The following FREM2 variants were observed in gnomAD, a reference collection of about 807,000 sequenced individuals.
The protein encoded by FREM2 is FRAS1-related extracellular matrix protein 2.
A neutral mutation model predicts 219.9 loss-of-function variants in FREM2; 119 were observed. The observed-to-expected ratio is 0.54, with a 90% CI of 0.47 to 0.63. FREM2 has a LOEUF of 0.63. FREM2 is among the 30% of genes least tolerant of loss of function. FREM2 has a pLI of 0.00. For missense variants in FREM2, 4,030 were observed against 3,993.6 expected, an observed-to-expected ratio of 1.01 and a Z score of -0.25; for synonymous variants, 1,562 against 1,522.8, an observed-to-expected ratio of 1.03 and a Z score of -0.60.
In FREM2 at chr13:38,734,810, G is replaced by A. The variant is rs182511710; in HGVS notation, c.5264-29494G>A. 4.6e-3 allele frequency among the ~76,000 whole-genome samples: 587 copies of A among 129,006 alleles called. 4 individuals are homozygous for A. The highest frequency in any genetic ancestry group is 0.016 in the African/African-American group (562 of 34,744). 84.6% of individuals were successfully genotyped at this position (129,006 alleles called of 152,430 possible). ...TGCACAGGCTGGAGTGCAGTGGCAC[G>A]ATCTCAGCTCACTGCAACCTCTACC... On this transcript the variant is annotated intron_variant, in intron 2 of 23. Coordinates refer to ENST00000280481, the MANE Select transcript of FREM2 (RefSeq NM_207361.6).
At chr13:38,850,608 G>A (rs1159482875) in intron 9 of FREM2, among the ~76,000 whole-genome samples, 3 of 152,154 alleles carry the variant, frequency 2.0e-5, no homozygotes, top group Non-Finnish European at 4.4e-5. Context: ...ATCAACCAGG[G>A]CAAGGCTGCT....
At chr13:38,764,499 A>C (rs759512105) in intron 3 of FREM2, 49 bp downstream of exon 3, 3 of 1,150,620 alleles carry the variant, frequency 2.6e-6, no homozygotes, top group African/African-American at 3.1e-5. Context: ...TTTCTAGCAA[A>C]GGTTTATAAT....
At chr13:38,753,115 T>C (rs1043824541) in intron 2 of FREM2, among the ~76,000 whole-genome samples, 1 of 152,054 alleles carries the variant, frequency 6.6e-6, no homozygotes, top group African/African-American at 2.4e-5. Context: ...GTGGATCTTC[T>C]TGACAAACTT....
intron 2 of FREM2, among the ~76,000 whole-genome samples, chr13:38,763,948 G>A (rs1161935619): frequency 6.6e-5 from 10 of 152,212 alleles, no homozygotes; most frequent in Admixed American, 6.5e-4. Flanking sequence ...GCAGCCCTCT[G>A]ATTAGAAAAC....
intron 6 of FREM2, among the ~76,000 whole-genome samples, chr13:38,804,363 G>A (rs914707226): frequency 1.3e-5 from 2 of 150,784 alleles, no homozygotes; most frequent in Non-Finnish European, 3.0e-5. Context: ...AGATATTATA[G>A]TCTGAAAACA....
At chr13:38,761,384 G>T (rs1452052632) in intron 2 of FREM2, among the ~76,000 whole-genome samples, 2 of 152,082 alleles carry the variant, frequency 1.3e-5, no homozygotes, top group Non-Finnish European at 2.9e-5. Context: ...AATTTGTTTT[G>T]AAATCAGAGC....
chr13:38,692,229 T>C lies in FREM2; in HGVS notation c.4885T>C (p.Tyr1629His), dbSNP rs1869913627. 1.9e-6 allele frequency: 3 copies of C among 1,614,216 alleles called. No homozygotes were observed. Among genetic ancestry groups the C allele is most frequent in the Non-Finnish European group, 8.5e-7 (1 of 1,180,038 alleles). Residue 1629 changes from tyrosine to histidine, a missense_variant, in exon 1 of 24, where the codon TAT (tyrosine) becomes CAT (histidine). By Grantham distance (83) the Tyr-to-His change is moderately conservative. Transcript: ENST00000280481. The stretch of plus-strand genomic sequence containing the variant: ...GACTGATGGCACCCATACAGACTTC[T>C]ATGTTTTTCCTGATACGGTGTTTGA... ...TVTDGTHTDF[Y>H]VFPDTVFETR...
In FREM2 at chr13:38,689,443, C is replaced by T. The variant is rs1323665933; in HGVS notation, c.2099C>T (p.Pro700Leu). The T allele has an allele frequency of 1.2e-6, 2 of 1,614,084 alleles. No homozygotes were observed. The highest frequency in any genetic ancestry group is 8.5e-7 in the Non-Finnish European group (1 of 1,180,002). The change falls in exon 1 of 24, where the codon CCT becomes CTT. Residue 700 changes from proline (P) to leucine (L), a missense_variant. By Grantham distance (98) the Pro-to-Leu change is moderately conservative. Transcript: ENST00000280481. ...CGTATCCATCCTGTGGATCGCCTCCCTCCGGAGCTGGGCAGTGGCTGTCCC... is the reference window on the plus strand; with the variant it reads ...CGTATCCATCCTGTGGATCGCCTCCTTCCGGAGCTGGGCAGTGGCTGTCCC... The part of the protein sequence containing the change: ...VIRIHPVDRL[P>L]PELGSGCPLR...
intron 6 of FREM2, among the ~76,000 whole-genome samples, chr13:38,808,516 T>C (rs1438598103): frequency 6.6e-6 from 1 of 151,942 alleles, no homozygotes; most frequent in African/African-American, 2.4e-5. Context: ...ACTTGAAAAC[T>C]TAGAAGCTAT....
rs1228296843 is a variant in FREM2, at chr13:38,861,520, A to C, written c.7609A>C (p.Thr2537Pro). The change falls in exon 15 of 24, where the codon ACA becomes CCA. Residue 2537 changes from threonine to proline, a missense_variant. Around this residue, in one of 2 missense-constraint regions of FREM2, gnomAD observed 928 missense variants for 1,042.9 expected, o/e 0.89. Coordinates refer to ENST00000280481, the MANE Select transcript of FREM2 (RefSeq NM_207361.6). ...CACAGGCCCTGAGGATGCAGACTAC[A>C]CAAACCTTATCAAGCTCACTGTCAC... ...RYTGPEDADY[T>P]NLIKLTVTMP... 6.2e-7 allele frequency: 1 copy of C among 1,614,038 alleles called. No individual in the cohort carries two copies. Among genetic ancestry groups the C allele is most frequent in the Admixed American group, 1.7e-5 (1 of 60,014 alleles).
intron 3 of FREM2, among the ~76,000 whole-genome samples, chr13:38,766,165 A>G (rs999372221): frequency 6.6e-6 from 1 of 152,224 alleles, no homozygotes; most frequent in Non-Finnish European, 1.5e-5. Context: ...AACATTGGGA[A>G]AGTTAACAGT....
At chr13:38,819,180 C>T (rs1344334617) in intron 6 of FREM2, among the ~76,000 whole-genome samples, 1 of 152,066 alleles carries the variant, frequency 6.6e-6, no homozygotes, top group Non-Finnish European at 1.5e-5. Context: ...CCTCCAAAGG[C>T]CCTGGCTGCT....
intron 6 of FREM2, among the ~76,000 whole-genome samples, chr13:38,821,545 C>A (rs1324107147): frequency 6.6e-6 from 1 of 152,192 alleles, no homozygotes; most frequent in East Asian, 1.9e-4. Context: ...AATAAATCAT[C>A]TTTTTTTCTC....
At chr13:38,868,574 C>T (rs895062513) in intron 16 of FREM2, among the ~76,000 whole-genome samples, 1 of 152,204 alleles carries the variant, frequency 6.6e-6, no homozygotes, top group African/African-American at 2.4e-5. Context: ...GCCAGGTGAA[C>T]TTTTTCCTTT....
rs900442122 is a variant in FREM2 at position 38,687,137 on chromosome 13, T to G, written c.-208T>G. 11 of 643,884 alleles carry G rather than the reference T, an allele frequency of 1.7e-5. No individual in the cohort carries two copies. Among genetic ancestry groups the G allele is most frequent in the South Asian group, 3.9e-5 (2 of 51,362 alleles). 39.9% of individuals were successfully genotyped at this position (643,884 alleles called of 1,614,324 possible). A position where few individuals can be genotyped will look rare whatever the true frequency, so the allele number is the denominator to read the frequency against. ...GCGCTAGCGGCGGAGCTGGACGGCC[T>G]GGGAAGGCTTCGGCTCCTCGGCTGC... On this transcript the variant is annotated 5_prime_UTR_variant, in exon 1 of 24. Transcript: ENST00000280481.
rs944722799 is a variant in FREM2, at chr13:38,885,077, A to G, written c.*4290A>G. 3 of 152,180 alleles carry G rather than the reference A, an allele frequency of 2.0e-5. No individual in the cohort carries two copies. Among genetic ancestry groups the G allele is most frequent in the African/African-American group, 7.2e-5 (3 of 41,466 alleles). The allele number at this position is 152,180 out of a possible 1,614,324, so 9.4% of individuals were successfully genotyped here. A position where few individuals can be genotyped will look rare whatever the true frequency, so the allele number is the denominator to read the frequency against. The stretch of plus-strand genomic sequence containing the variant: ...TTAATGTTGATTTCTCCCCTTTTCC[A>G]TGGATTTTGATACTAAGAAACAAAA... On this transcript the variant is annotated 3_prime_UTR_variant, in exon 24 of 24. Coordinates refer to ENST00000280481, the MANE Select transcript of FREM2 (RefSeq NM_207361.6).
chr13:38,802,452 CCCACCTGTGGGCCTG>C (rs960999278), intron 6 of FREM2, among the ~76,000 whole-genome samples: 3 of 151,636 alleles, frequency 2.0e-5, no homozygotes, highest in East Asian at 2.0e-4. Flanking sequence ...TCAGGATATC[CCCACCTGTGGGCCTG>C]CCACCAGGAA....
chr13:38,858,028 A>G lies in FREM2; in HGVS notation c.7210A>G (p.Ile2404Val), dbSNP rs760853675. The G allele has an allele frequency of 1.2e-6, 2 of 1,613,712 alleles. No homozygotes were observed. The highest frequency in any genetic ancestry group is 1.7e-6 in the Non-Finnish European group (2 of 1,179,600). ...CATGTCTGGCTATCCTGTCATCTGT[A>G]TCACAGTGAGTAGGAGATTCACAAA... ...EPMSGYPVIC[I>V]TACNPKYSDY... Residue 2404 changes from isoleucine to valine, a missense_variant, in exon 13 of 24, where the codon ATC (isoleucine) becomes GTC (valine). Around this residue, in one of 2 missense-constraint regions of FREM2, gnomAD observed 928 missense variants for 1,042.9 expected, o/e 0.89. Coordinates refer to ENST00000280481, the MANE Select transcript of FREM2 (RefSeq NM_207361.6).
rs764296258 is a variant in FREM2 at position 38,689,048 on chromosome 13, G to A, written c.1704G>A (p.Gly568=). ...DQPPVLNANT[G]LTLAEGETVP... ...CACCTGTTCTCAATGCCAACACGGG[G>A]CTGACACTGGCAGAGGGTGAAACAG... The change falls in exon 1 of 24, where the codon GGG becomes GGA. Residue 568 remains glycine (G), a synonymous_variant. Coordinates refer to ENST00000280481, the MANE Select transcript of FREM2 (RefSeq NM_207361.6). The A allele has an allele frequency of 6.2e-6, 10 of 1,613,716 alleles. No homozygotes were observed. The highest frequency in any genetic ancestry group is 8.5e-6 in the Non-Finnish European group (10 of 1,179,764).
Sources: gnomAD v4.1 joint callset for allele counts (sites outside exome capture counted in the v4.1 genomes callset) on GRCh38, gnomAD v4.1.1 for gene constraint, gnomAD v4.1.1 regional missense constraint, MANE v1.5 for transcripts, NCBI Gene and HGNC (gene_info 2026-07-23, HGNC 2026-07-21) for gene names.